NFIA: variants seen among roughly 807,000 people sequenced by gnomAD.
NFIA encodes nuclear factor I A, also known as nuclear factor 1 A-type.
NFIA carries 8 observed loss-of-function variants against 62.8 expected under a neutral mutation model. The ratio of observed to expected loss-of-function variants is 0.13; its 90% CI spans 0.07 to 0.23. The LOEUF is 0.23. Among genes scored for constraint, NFIA ranks in the 10% least tolerant of loss-of-function variants. The pLI, the probability that NFIA is intolerant of heterozygous loss-of-function variation, is 1.00. For missense variants in NFIA, 410 were observed against 642.1 expected (o/e 0.64, Z 3.91); for synonymous variants, 235 against 238.1 (o/e 0.99, Z 0.12).
chr1:61,362,746 C>T (rs1032822888), intron 6 of NFIA, among the ~76,000 whole-genome samples: 5 of 152,324 alleles, frequency 3.3e-5, no homozygotes, highest in South Asian at 2.1e-4. Context: ...TTTCGCTTCT[C>T]TTACAATGCT....
At chr1:61,443,266 G>T (rs560584515) in intron 10 of NFIA, among the ~76,000 whole-genome samples, 111 of 151,962 alleles carry the variant, frequency 7.3e-4, no homozygotes, top group African/African-American at 2.2e-3. Context: ...CAACTCCAAA[G>T]ATAAAAAAGC....
chr1:61,445,793 G>A (rs997261161), intron 10 of NFIA, among the ~76,000 whole-genome samples: 2 of 152,194 alleles, frequency 1.3e-5, no homozygotes, highest in African/African-American at 4.8e-5. Context: ...GCCTGTGTCT[G>A]AAAGTCGTTT....
chr1:61,122,920 C>T (rs1016216745), intron 2 of NFIA, among the ~76,000 whole-genome samples: 2 of 152,160 alleles, frequency 1.3e-5, no homozygotes, highest in African/African-American at 2.4e-5. Flanking sequence ...ATGCTCTCCC[C>T]CACCCAGCCC....
intron 3 of NFIA, among the ~76,000 whole-genome samples, chr1:61,310,420 G>A (rs1275384407): frequency 6.6e-6 from 1 of 152,158 alleles, no homozygotes; most frequent in East Asian, 1.9e-4. Flanking sequence ...GGTGCTTATG[G>A]GGTACTTGGA....
At chr1:61,372,094 G>A (rs1410425389) in intron 6 of NFIA, among the ~76,000 whole-genome samples, 1 of 152,052 alleles carries the variant, frequency 6.6e-6, no homozygotes, top group Non-Finnish European at 1.5e-5. Context: ...AGAAAATGTC[G>A]GCCATGAGCA....
intron 2 of NFIA, among the ~76,000 whole-genome samples, chr1:61,241,020 A>T (rs1321031793): frequency 1.3e-5 from 2 of 151,012 alleles, no homozygotes; most frequent in African/African-American, 4.9e-5. Flanking sequence ...TTGGTTTATA[A>T]TTTCTTTACC....
chr1:61,274,157 C>T (rs1186029540), intron 2 of NFIA, among the ~76,000 whole-genome samples: 3 of 152,186 alleles, frequency 2.0e-5, no homozygotes. Flanking sequence ...TGTCTGAGTA[C>T]TCCAGCAATA....
At chr1:61,134,407 C>T (rs746877625) in intron 2 of NFIA, among the ~76,000 whole-genome samples, 21 of 152,064 alleles carry the variant, frequency 1.4e-4, no homozygotes, top group Non-Finnish European at 2.5e-4. Context: ...CCATTACCTC[C>T]AGTAAATCAG....
chr1:61,364,937 C>G (rs937366472), intron 6 of NFIA, among the ~76,000 whole-genome samples: 2 of 152,116 alleles, frequency 1.3e-5, no homozygotes, highest in African/African-American at 4.8e-5. Context: ...GAACCCTGGC[C>G]GGGCATGGGG....
intron 2 of NFIA, among the ~76,000 whole-genome samples, chr1:61,240,037 A>G (rs1655250093): frequency 6.6e-6 from 1 of 152,136 alleles, no homozygotes; most frequent in Non-Finnish European, 1.5e-5. Context: ...CAATAAAGAG[A>G]CATCTAATAG....
At chr1:61,081,724 T>G, upstream of NFIA, 1 of 661,572 alleles carries the variant, frequency 1.5e-6, no homozygotes, top group Non-Finnish European at 2.5e-6. Flanking sequence ...ATCCGGTGAA[T>G]CTTCTGTGGG....
intron 2 of NFIA, among the ~76,000 whole-genome samples, chr1:61,101,269 CCTGCGA>C (rs1259010896): frequency 6.6e-6 from 1 of 151,902 alleles, no homozygotes; most frequent in African/African-American, 2.4e-5. Context: ...GTGGTGCATG[CCTGCGA>C]TCCCAGCTAC....
chr1:61,088,207 C>T lies in NFIA; in HGVS notation c.86C>T (p.Thr29Ile). The change falls in exon 2 of 11, where the codon ACA becomes ATA. Residue 29 changes from threonine to isoleucine, a missense_variant. Coordinates refer to ENST00000403491, the MANE Select transcript of NFIA (RefSeq NM_001134673.4). The surrounding 1 kb of genome is among the most constrained non-coding windows in gnomAD (Gnocchi z 4.5). ...LLPHVRAFAY[T>I]WFNLQARKRK... ...CCCCACGTCCGAGCCTTTGCCTACACATGGTTCAACCTGCAGGCCCGAAAA... is the reference window on the plus strand; with the variant it reads ...CCCCACGTCCGAGCCTTTGCCTACATATGGTTCAACCTGCAGGCCCGAAAA... 6.2e-7 allele frequency: 1 copy of T among 1,613,720 alleles called. No individual in the cohort carries two copies. The highest frequency in any genetic ancestry group is 2.2e-5 in the East Asian group (1 of 44,850).
chr1:61,408,092 T>G (rs762709357), intron 9 of NFIA, among the ~76,000 whole-genome samples: 2 of 152,234 alleles, frequency 1.3e-5, no homozygotes, highest in Non-Finnish European at 2.9e-5. Flanking sequence ...ATCCAGTATT[T>G]ATGCATTTTG....
chr1:61,180,747 C>T (rs918438666), intron 2 of NFIA, among the ~76,000 whole-genome samples: 5 of 152,116 alleles, frequency 3.3e-5, no homozygotes, highest in Admixed American at 2.0e-4. Context: ...TGGTAAGACC[C>T]GCTAACATCT....
intron 2 of NFIA, among the ~76,000 whole-genome samples, chr1:61,213,007 T>C (rs1653363658): frequency 6.6e-6 from 1 of 152,226 alleles, no homozygotes; most frequent in Non-Finnish European, 1.5e-5. Flanking sequence ...CTCTTGACTG[T>C]TCCACTGCCC....
At chr1:61,248,572 C>T (rs1263764522) in intron 2 of NFIA, among the ~76,000 whole-genome samples, 1 of 152,108 alleles carries the variant, frequency 6.6e-6, no homozygotes, top group Admixed American at 6.5e-5. Flanking sequence ...TAAGTTGCAC[C>T]GGAGAGCTCT....
chr1:61,276,931 G>A (rs1023117578), intron 2 of NFIA, among the ~76,000 whole-genome samples: 5 of 152,130 alleles, frequency 3.3e-5, no homozygotes, highest in African/African-American at 1.2e-4. Flanking sequence ...TTATAAAGCA[G>A]GGGAAACTTG....
chr1:61,235,900 C>T (rs1211920318), intron 2 of NFIA, among the ~76,000 whole-genome samples: 1 of 152,000 alleles, frequency 6.6e-6, no homozygotes, highest in Non-Finnish European at 1.5e-5. Flanking sequence ...GGCTCCCCCA[C>T]TCAACTGAAG....
Sources: allele counts gnomAD v4.1 joint callset (sites outside exome capture counted in the v4.1 genomes callset), GRCh38; gene constraint gnomAD v4.1.1; non-coding constraint Gnocchi (gnomAD v3.1); transcripts MANE v1.5; gene names NCBI Gene and HGNC (gene_info 2026-07-23, HGNC 2026-07-21).